Variants in CAMK1D observed in about 807,000 individuals in gnomAD.
The protein encoded by CAMK1D is calcium/calmodulin dependent protein kinase ID.
Under a neutral mutation model 47.7 loss-of-function variants are expected in CAMK1D, and 9 were observed. That is an observed-to-expected ratio of 0.19 (90% CI 0.11 to 0.33). The LOEUF is 0.33. Ranked by LOEUF, CAMK1D falls within the 10% of genes least tolerant of loss-of-function variation. The probability of loss-of-function intolerance (pLI) is 1.00; values close to 1 mark genes in which losing one functional copy is unlikely to be tolerated. For synonymous variants in CAMK1D, 184 were observed against 184.9 expected, an observed-to-expected ratio of 0.99 and a Z score of 0.04; for missense variants, 291 against 488.7, an observed-to-expected ratio of 0.60 and a Z score of 3.81.
chr10:12,625,145 T>C (rs1044531170), intron 2 of CAMK1D, among the ~76,000 whole-genome samples: 1 of 151,910 alleles, frequency 6.6e-6, no homozygotes, highest in Non-Finnish European at 1.5e-5. Context: ...GAGACCAGCC[T>C]GGCCAACATG....
intron 1 of CAMK1D, among the ~76,000 whole-genome samples, chr10:12,380,946 T>C (rs1588424727): frequency 6.6e-6 from 1 of 152,190 alleles, no homozygotes; most frequent in Non-Finnish European, 1.5e-5. Flanking sequence ...GCCTAGTCAT[T>C]TGTCAGGTTG....
rs200506318 is a variant in CAMK1D at position 12,585,978 on chromosome 10, AGCCACCAGCATC to A, written c.224+32623_224+32634del. On this transcript the variant is annotated intron_variant, in intron 2 of 10. Transcript: ENST00000619168. ...AATTGAAGGTCAGCAGTGGCAGGTA[AGCCACCAGCATC>A]ATCAGCTTCTTTCAGCCTTTTGGAA... is the stretch of plus-strand genomic sequence containing the variant. Among the ~76,000 whole-genome samples the A allele has an allele frequency of 1.4e-4, 21 of 152,306 alleles. No individual in the cohort carries two copies. The East Asian group carries it at 3.3e-3, about 24-fold the overall frequency.
chr10:12,694,054 TTATA>T (rs557604538), intron 3 of CAMK1D, among the ~76,000 whole-genome samples: 5 of 60,990 alleles, frequency 8.2e-5, no homozygotes, highest in African/African-American at 1.6e-4. Context: ...ATAATATATA[TTATA>T]TATATAATAT....
chr10:12,465,748 G>C (rs1833571424), intron 1 of CAMK1D, among the ~76,000 whole-genome samples: 1 of 152,166 alleles, frequency 6.6e-6, no homozygotes, highest in Non-Finnish European at 1.5e-5. Context: ...TCACCCCTTT[G>C]GTGCTGCAGT....
At chr10:12,629,753 G>A (rs917901110) in intron 2 of CAMK1D, among the ~76,000 whole-genome samples, 3 of 152,222 alleles carry the variant, frequency 2.0e-5, no homozygotes, top group Non-Finnish European at 4.4e-5. Flanking sequence ...CTGGGCTCAA[G>A]CCATTGTTTC....
intron 2 of CAMK1D, among the ~76,000 whole-genome samples, chr10:12,559,811 G>A (rs1422704880): frequency 2.0e-5 from 3 of 152,226 alleles, no homozygotes; most frequent in South Asian, 2.1e-4. Flanking sequence ...GGGTGTGGTC[G>A]AGTCAGCACG....
At chr10:12,480,414 G>A (rs1005552899) in intron 1 of CAMK1D, among the ~76,000 whole-genome samples, 2 of 151,608 alleles carry the variant, frequency 1.3e-5, no homozygotes, top group East Asian at 1.9e-4. Flanking sequence ...CAGCTTGAGC[G>A]ACAGAGCAAG....
At chr10:12,769,300 G>C (rs1021395533) in intron 4 of CAMK1D, among the ~76,000 whole-genome samples, 2 of 152,168 alleles carry the variant, frequency 1.3e-5, no homozygotes, top group Non-Finnish European at 2.9e-5. Flanking sequence ...CTCATAAAAA[G>C]GAGCAGAGAA....
rs199749834 is a variant in CAMK1D at position 12,601,185 on chromosome 10, G to T, written c.224+47829G>T. Among the ~76,000 whole-genome samples the T allele has an allele frequency of 2.1e-3, 36 of 17,368 alleles. 1 individual carries two copies. In the Admixed American group the frequency reaches 0.021, roughly 10 times the overall value. The allele number at this position is 17,368 out of a possible 152,430, so 11.4% of individuals were successfully genotyped here. On this transcript the variant is annotated intron_variant, in intron 2 of 10. Transcript: ENST00000619168. ...GATAAAATGATAGTTTTTTTTTTTTGTTTGTTTGTTTTTTTTTTTTTTTTG... is the reference window on the plus strand; with the variant it reads ...GATAAAATGATAGTTTTTTTTTTTTTTTTGTTTGTTTTTTTTTTTTTTTTG...
At chr10:12,724,865 G>A (rs555561056) in intron 3 of CAMK1D, among the ~76,000 whole-genome samples, 18 of 149,118 alleles carry the variant, frequency 1.2e-4, no homozygotes, top group South Asian at 2.1e-4. Flanking sequence ...GGGTGACAGA[G>A]CCAGACCCCA....
chr10:12,592,817 T>G (rs892619691), intron 2 of CAMK1D, among the ~76,000 whole-genome samples: 6 of 152,342 alleles, frequency 3.9e-5, no homozygotes, highest in Non-Finnish European at 7.4e-5. Context: ...CTACTTTCTC[T>G]TAGTCATGTT....
intron 2 of CAMK1D, among the ~76,000 whole-genome samples, chr10:12,599,728 C>T (rs148199773): frequency 6.6e-6 from 1 of 152,258 alleles, no homozygotes; most frequent in East Asian, 1.9e-4. Flanking sequence ...GCATTTGGGT[C>T]ATAGTGCATC....
intron 2 of CAMK1D, among the ~76,000 whole-genome samples, chr10:12,566,218 A>G (rs1262650855): frequency 6.6e-6 from 1 of 152,202 alleles, no homozygotes; most frequent in African/African-American, 2.4e-5. Flanking sequence ...TGTAAGGGAC[A>G]TCTTGCTAGA....
chr10:12,621,624 T>C (rs981737846), intron 2 of CAMK1D, among the ~76,000 whole-genome samples: 1 of 152,222 alleles, frequency 6.6e-6, no homozygotes, highest in Non-Finnish European at 1.5e-5. Flanking sequence ...ATTTTAAATA[T>C]TGGTATAAAT....
intron 5 of CAMK1D, among the ~76,000 whole-genome samples, chr10:12,772,661 G>A (rs566169588): frequency 6.6e-6 from 1 of 152,364 alleles, no homozygotes; most frequent in South Asian, 2.1e-4. Flanking sequence ...ATGGTGTTGA[G>A]AAGAGTCCAT....
At position 12,643,939 on chromosome 10, in the gene CAMK1D, C is replaced by T. The variant is rs188660239; in HGVS notation, c.225-22797C>T. On this transcript the variant is annotated intron_variant, in intron 2 of 10. Transcript: ENST00000619168. Reference sequence around the variant, plus strand: ...GATCTGTTACTGTCTCCCATCACCCCCAGAGGAGATTGTCTAGTTTCAGGA... The same window carrying T: ...GATCTGTTACTGTCTCCCATCACCCTCAGAGGAGATTGTCTAGTTTCAGGA... 1.7e-4 allele frequency among the ~76,000 whole-genome samples: 26 copies of T among 152,078 alleles called. No homozygotes were observed. In the East Asian group the frequency reaches 4.8e-3, roughly 28 times the overall value.
At chr10:12,639,969 T>C (rs1404257871) in intron 2 of CAMK1D, among the ~76,000 whole-genome samples, 1 of 152,236 alleles carries the variant, frequency 6.6e-6, no homozygotes, top group Non-Finnish European at 1.5e-5. Flanking sequence ...TGATTTCTGA[T>C]AGCACCAGCA....
At chr10:12,530,150 A>G (rs545437964) in intron 1 of CAMK1D, among the ~76,000 whole-genome samples, 1 of 152,296 alleles carries the variant, frequency 6.6e-6, no homozygotes, top group African/African-American at 2.4e-5. Context: ...TGGGATTTGG[A>G]TCAAGGTCTG....
intron 1 of CAMK1D, among the ~76,000 whole-genome samples, chr10:12,460,416 A>G (rs1833389557): frequency 6.6e-6 from 1 of 152,020 alleles, no homozygotes; most frequent in Non-Finnish European, 1.5e-5. Context: ...CTGCACTGCC[A>G]TGCCCAGCTT....
Sources: allele counts gnomAD v4.1 joint callset (sites outside exome capture counted in the v4.1 genomes callset), GRCh38; gene constraint gnomAD v4.1.1; transcripts MANE v1.5; gene names NCBI Gene and HGNC (gene_info 2026-07-23, HGNC 2026-07-21).